Variants in CTNNA2 observed in about 807,000 individuals in gnomAD.
CTNNA2 encodes the protein catenin alpha 2.
A neutral mutation model predicts 101.0 loss-of-function variants in CTNNA2; 42 were observed. The ratio of observed to expected loss-of-function variants is 0.42; its 90% CI spans 0.32 to 0.54. The LOEUF is 0.54. Ranked by LOEUF, CTNNA2 falls within the 20% of genes least tolerant of loss-of-function variation. The pLI, the probability that CTNNA2 is intolerant of heterozygous loss-of-function variation, is 0.14. For synonymous variants in CTNNA2, 450 were observed against 456.4 expected (o/e 0.99, Z 0.18); for missense variants, 871 against 1,223.1 (o/e 0.71, Z 4.29).
intron 3 of CTNNA2, among the ~76,000 whole-genome samples, chr2:79,811,625 G>A (rs1301078807): frequency 1.3e-5 from 2 of 152,018 alleles, no homozygotes; most frequent in Admixed American, 1.3e-4. Context: ...ATTGATTATT[G>A]TATCTTTATA....
rs140004040 is a variant in CTNNA2, at chr2:79,304,830, C to A, written c.-405-7879C>A. The stretch of plus-strand genomic sequence containing the variant: ...GACTCTTTTTAATATGGCACTTGGG[C>A]TCATAAAAGATCTGGACAGTGAGGC... On this transcript the variant is annotated intron_variant, in intron 2 of 21. Coordinates refer to the CTNNA2 transcript ENST00000466387. 3.3e-3 allele frequency among the ~76,000 whole-genome samples: 501 copies of A among 152,214 alleles called. 2 individuals are homozygous for A. The highest frequency in any genetic ancestry group is 0.011 in the African/African-American group (471 of 41,518).
rs755718278 is a variant in CTNNA2, at chr2:79,408,498, T to C, written c.-135+34485T>C. ...GTCCCCAGAGTGTGATGTTCCCCTT[T>C]CTGTGTCCATGTGCTCTCATTGTTC... is the stretch of plus-strand genomic sequence containing the variant. On this transcript the variant is annotated intron_variant, in intron 4 of 21. Transcript: ENST00000466387. Among the ~76,000 whole-genome samples the C allele has an allele frequency of 1.8e-4, 26 of 142,470 alleles. 1 individual carries two copies. The highest frequency in any genetic ancestry group is 3.3e-4 in the African/African-American group (13 of 39,000). The allele number at this position is 142,470 out of a possible 152,430, so 93.5% of individuals were successfully genotyped here.
chr2:80,000,204 C>T (rs1394152948), intron 7 of CTNNA2, among the ~76,000 whole-genome samples: 2 of 151,946 alleles, frequency 1.3e-5, no homozygotes, highest in East Asian at 1.9e-4. Flanking sequence ...CATGTTTTGC[C>T]GAGTGGTAGA....
intron 2 of CTNNA2, among the ~76,000 whole-genome samples, chr2:79,701,222 A>G (rs1433584555): frequency 6.6e-6 from 1 of 152,108 alleles, no homozygotes; most frequent in Non-Finnish European, 1.5e-5. Flanking sequence ...AGATGTGGAA[A>G]TTGGGGTATA....
At chr2:79,952,870 AAC>A (rs1320221545) in intron 7 of CTNNA2, among the ~76,000 whole-genome samples, 1 of 152,202 alleles carries the variant, frequency 6.6e-6, no homozygotes, top group East Asian at 1.9e-4. Flanking sequence ...TCTATGGAGA[AAC>A]AGTCTGCCTA....
intron 1 of CTNNA2, among the ~76,000 whole-genome samples, chr2:79,565,166 A>G (rs1675029071): frequency 1.3e-5 from 2 of 152,060 alleles, no homozygotes; most frequent in African/African-American, 4.8e-5. Context: ...CCTTAGCTAA[A>G]AGCCGGGTTG....
intron 7 of CTNNA2, among the ~76,000 whole-genome samples, chr2:80,233,402 C>G (rs1709369660): frequency 6.6e-6 from 1 of 152,094 alleles, no homozygotes; most frequent in Non-Finnish European, 1.5e-5. Context: ...CATTTTAATA[C>G]TTATGGCCTG....
At chr2:80,549,665 C>CT (rs1487122600) in intron 11 of CTNNA2, among the ~76,000 whole-genome samples, 1 of 152,158 alleles carries the variant, frequency 6.6e-6, no homozygotes, top group East Asian at 1.9e-4. Flanking sequence ...ATTTTCATCT[C>CT]TTTTCCTTTC....
chr2:79,306,238 C>G (rs946128412), intron 2 of CTNNA2, among the ~76,000 whole-genome samples: 2 of 151,976 alleles, frequency 1.3e-5, no homozygotes, highest in Admixed American at 1.3e-4. Context: ...GATTCTTGGT[C>G]AAAAGGCAGA....
chr2:80,089,548 T>G lies in CTNNA2; in HGVS notation c.1056+179751T>G, dbSNP rs189521162. ...GATACTTTTTTTTTTATTTTAACGG[T>G]TTCACTTCTTTCACCATAGTGAAAT... On this transcript the variant is annotated intron_variant, in intron 7 of 18. Coordinates refer to ENST00000402739, the MANE Select transcript of CTNNA2 (RefSeq NM_001282597.3). Among the ~76,000 whole-genome samples, 239 of 151,732 alleles carry G rather than the reference T, an allele frequency of 1.6e-3. 1 individual carries two copies. Among genetic ancestry groups the G allele is most frequent in the African/African-American group, 5.6e-3 (230 of 41,388 alleles).
chr2:80,601,678 G>A (rs1697554777), intron 15 of CTNNA2: 1 of 151,222 alleles, frequency 6.6e-6, no homozygotes, highest in Admixed American at 6.6e-5. Flanking sequence ...TTTCTTGATA[G>A]TGTTCTAAAT....
intron 4 of CTNNA2, among the ~76,000 whole-genome samples, chr2:79,497,031 T>C (rs1671263313): frequency 6.6e-6 from 1 of 152,220 alleles, no homozygotes; most frequent in East Asian, 1.9e-4. Context: ...GCCTGCCTAG[T>C]GTAGGCCTAC....
chr2:79,392,149 C>A (rs1470892413), intron 4 of CTNNA2, among the ~76,000 whole-genome samples: 1 of 152,198 alleles, frequency 6.6e-6, no homozygotes, highest in Non-Finnish European at 1.5e-5. Context: ...ATAACAGTGT[C>A]TTTTCCAAAC....
intron 2 of CTNNA2, among the ~76,000 whole-genome samples, chr2:79,257,352 G>T (rs1483624458): frequency 2.6e-5 from 4 of 151,970 alleles, no homozygotes; most frequent in African/African-American, 7.3e-5. Context: ...GATAACCCAG[G>T]TTTCATTTGT....
intron 4 of CTNNA2, among the ~76,000 whole-genome samples, chr2:79,375,520 C>T (rs1014948381): frequency 2.0e-5 from 3 of 151,962 alleles, no homozygotes; most frequent in African/African-American, 7.3e-5. Flanking sequence ...TATACAGTGT[C>T]GACTCTAGGC....
At chr2:79,667,251 C>T (rs965297831) in intron 2 of CTNNA2, among the ~76,000 whole-genome samples, 3 of 152,176 alleles carry the variant, frequency 2.0e-5, no homozygotes, top group Admixed American at 6.5e-5. Flanking sequence ...AGTAGTCCCT[C>T]TTGGGCCGTC....
chr2:80,079,428 C>A (rs958487978), intron 7 of CTNNA2, among the ~76,000 whole-genome samples: 1 of 152,182 alleles, frequency 6.6e-6, no homozygotes, highest in African/African-American at 2.4e-5. Context: ...GGAGCTCCTA[C>A]TAAGCACTGT....
chr2:79,909,098 G>T (rs1685613620), intron 6 of CTNNA2, among the ~76,000 whole-genome samples: 1 of 152,176 alleles, frequency 6.6e-6, no homozygotes, highest in Admixed American at 6.5e-5. Context: ...TATGCCTGTT[G>T]GGTGTTATGT....
At chr2:79,959,704 C>T (rs1689498986) in intron 7 of CTNNA2, among the ~76,000 whole-genome samples, 1 of 152,198 alleles carries the variant, frequency 6.6e-6, no homozygotes, top group African/African-American at 2.4e-5. Flanking sequence ...TTTGTGGCCC[C>T]TTCTAAGCCA....
Sources: gnomAD v4.1 joint callset for allele counts (sites outside exome capture counted in the v4.1 genomes callset) on GRCh38, gnomAD v4.1.1 for gene constraint, MANE v1.5 for transcripts, NCBI Gene and HGNC (gene_info 2026-07-23, HGNC 2026-07-21) for gene names.